Variants in CNTNAP2 observed in about 807,000 individuals in gnomAD.
CNTNAP2 encodes contactin associated protein 2.
A neutral mutation model predicts 155.2 loss-of-function variants in CNTNAP2; 98 were observed. The observed-to-expected ratio is 0.63, with a 90% CI of 0.54 to 0.75. The LOEUF is 0.75. Among genes scored for constraint, CNTNAP2 ranks in the 30% least tolerant of loss-of-function variants. CNTNAP2 has a pLI of 0.00. For missense variants in CNTNAP2, 1,727 were observed against 1,688.1 expected (o/e 1.02, Z -0.40); for synonymous variants, 651 against 631.2 (o/e 1.03, Z -0.47).
intron 12 of CNTNAP2, among the ~76,000 whole-genome samples, chr7:147,627,691 C>CAAAAAAA (rs138424007): frequency 2.8e-5 from 2 of 71,716 alleles, no homozygotes; most frequent in Non-Finnish European, 5.2e-5. Context: ...GACTCTGTCT[C>CAAAAAAA]AAAAAAAAAA....
chr7:146,376,481 G>A (rs555066397), intron 1 of CNTNAP2, among the ~76,000 whole-genome samples: 21 of 152,042 alleles, frequency 1.4e-4, no homozygotes, highest in African/African-American at 4.8e-4. Flanking sequence ...CACCATAAGG[G>A]TTTTCAGTTT....
At chr7:146,756,621 T>C (rs1801999987) in intron 1 of CNTNAP2, among the ~76,000 whole-genome samples, 1 of 152,066 alleles carries the variant, frequency 6.6e-6, no homozygotes, top group Admixed American at 6.6e-5. Flanking sequence ...TAACTTTGAT[T>C]GAGTTATTGT....
chr7:147,858,873 AC>A (rs1799089014), intron 13 of CNTNAP2, among the ~76,000 whole-genome samples: 1 of 152,146 alleles, frequency 6.6e-6, no homozygotes, highest in Non-Finnish European at 1.5e-5. Context: ...TGCATTTTGG[AC>A]TTTTAGTCTC....
At chr7:147,574,286 A>AT (rs1417505734) in intron 12 of CNTNAP2, among the ~76,000 whole-genome samples, 1 of 151,046 alleles carries the variant, frequency 6.6e-6, no homozygotes, top group Admixed American at 6.6e-5. Flanking sequence ...GATTCTGTTC[A>AT]TTTTTTTCTG....
intron 11 of CNTNAP2, among the ~76,000 whole-genome samples, chr7:147,535,588 A>G (rs559568281): frequency 1.1e-4 from 16 of 152,280 alleles, no homozygotes; most frequent in Middle Eastern, 3.4e-3. Context: ...TTGGATGAAT[A>G]AATGGCTTTT....
intron 21 of CNTNAP2, among the ~76,000 whole-genome samples, chr7:148,319,017 A>G (rs1267332573): frequency 2.0e-5 from 3 of 152,250 alleles, no homozygotes; most frequent in South Asian, 2.1e-4. Flanking sequence ...TTCCCCATGA[A>G]GCACTGCTTT....
chr7:146,554,744 C>T (rs148648716), intron 1 of CNTNAP2, among the ~76,000 whole-genome samples: 19 of 152,282 alleles, frequency 1.2e-4, no homozygotes, highest in African/African-American at 2.4e-4. Context: ...TGCAGGGTAC[C>T]GACCACAGAC....
At chr7:147,062,903 T>C (rs1799710082) in intron 4 of CNTNAP2, among the ~76,000 whole-genome samples, 1 of 152,218 alleles carries the variant, frequency 6.6e-6, no homozygotes, top group Non-Finnish European at 1.5e-5. Flanking sequence ...ATAAGCATTT[T>C]CCAGAAGGAG....
intron 15 of CNTNAP2, among the ~76,000 whole-genome samples, chr7:148,079,675 A>C (rs965972613): frequency 2.6e-5 from 4 of 152,210 alleles, no homozygotes; most frequent in Non-Finnish European, 5.9e-5. Context: ...ATATATTTTA[A>C]GACAAAATAC....
chr7:147,458,392 C>T (rs546445647), intron 10 of CNTNAP2, among the ~76,000 whole-genome samples: 2 of 152,094 alleles, frequency 1.3e-5, no homozygotes, highest in South Asian at 4.1e-4. Flanking sequence ...AAGCAAAAGT[C>T]TACTTATTGA....
intron 10 of CNTNAP2, among the ~76,000 whole-genome samples, chr7:147,471,593 C>G (rs565314953): frequency 1.4e-4 from 22 of 152,100 alleles, no homozygotes; most frequent in Non-Finnish European, 2.5e-4. Context: ...AGCAAATATG[C>G]CAAAATATTT....
intron 1 of CNTNAP2, among the ~76,000 whole-genome samples, chr7:146,638,077 T>C (rs767809589): frequency 4.6e-5 from 7 of 152,200 alleles, no homozygotes; most frequent in Non-Finnish European, 1.0e-4. Context: ...AAATCAGTTC[T>C]AGTGATAAAT....
At chr7:147,347,994 A>T (rs769657805) in intron 9 of CNTNAP2, among the ~76,000 whole-genome samples, 26 of 152,026 alleles carry the variant, frequency 1.7e-4, no homozygotes, top group African/African-American at 6.3e-4. Context: ...AAAGAATGAA[A>T]CTAGACCCCC....
chr7:148,004,432 C>T (rs372765911), intron 15 of CNTNAP2, among the ~76,000 whole-genome samples: 13 of 152,216 alleles, frequency 8.5e-5, no homozygotes, highest in East Asian at 1.9e-4. Context: ...AAGAAAAGCT[C>T]AATTATGTGA....
intron 8 of CNTNAP2, among the ~76,000 whole-genome samples, chr7:147,287,048 C>T (rs1805195658): frequency 1.3e-5 from 2 of 152,068 alleles, no homozygotes; most frequent in Non-Finnish European, 2.9e-5. Context: ...ATATTTTATT[C>T]AGTGCCATCT....
chr7:146,618,957 C>G (rs1799273050), intron 1 of CNTNAP2, among the ~76,000 whole-genome samples: 1 of 151,826 alleles, frequency 6.6e-6, no homozygotes, highest in South Asian at 2.1e-4. Context: ...ATAATCCCAG[C>G]TACTCGGGAG....
At chr7:146,224,431 T>TAA (rs60496758) in intron 1 of CNTNAP2, among the ~76,000 whole-genome samples, 4,931 of 143,156 alleles carry the variant, frequency 0.034, 244 homozygotes, top group African/African-American at 0.11. Context: ...CACAGTGGTT[T>TAA]AAAAAAAAAA....
intron 1 of CNTNAP2, among the ~76,000 whole-genome samples, chr7:146,765,618 T>C (rs1222939181): frequency 2.0e-5 from 3 of 152,160 alleles, no homozygotes; most frequent in Non-Finnish European, 2.9e-5. Flanking sequence ...CTTCCTCTCA[T>C]GGTATTTACA....
chr7:146,570,324 C>T (rs1469331253), intron 1 of CNTNAP2, among the ~76,000 whole-genome samples: 1 of 152,050 alleles, frequency 6.6e-6, no homozygotes, highest in East Asian at 1.9e-4. Flanking sequence ...AGTGAGTAGG[C>T]ATTTTTGAAC....
Sources: allele counts gnomAD v4.1 joint callset (sites outside exome capture counted in the v4.1 genomes callset), GRCh38; gene constraint gnomAD v4.1.1; transcripts MANE v1.5; gene names NCBI Gene and HGNC (gene_info 2026-07-23, HGNC 2026-07-21).